SNTG1: variants seen among roughly 807,000 people sequenced by gnomAD.
SNTG1 encodes the protein gamma-1-syntrophin.
In SNTG1, 39 loss-of-function variants were observed where a neutral mutation model predicts 74.7. The observed-to-expected ratio is 0.52, with a 90% CI of 0.40 to 0.68. The LOEUF (loss-of-function observed/expected upper bound fraction) is 0.68. Ranked by LOEUF, SNTG1 falls within the 30% of genes least tolerant of loss-of-function variation. The probability of loss-of-function intolerance (pLI) is 0.00; values close to 1 mark genes in which losing one functional copy is unlikely to be tolerated. For missense variants in SNTG1, 685 were observed against 609.5 expected (o/e 1.12, Z -1.30); for synonymous variants, 254 against 217.1 (o/e 1.17, Z -1.49).
chr8:50,666,698 G>T (rs1044843482), intron 15 of SNTG1, among the ~76,000 whole-genome samples: 9 of 152,038 alleles, frequency 5.9e-5, no homozygotes, highest in Non-Finnish European at 1.0e-4. Context: ...ATCCCTAAAG[G>T]CTACCAGGCT....
At chr8:50,358,915 A>G (rs1290468965) in intron 2 of SNTG1, among the ~76,000 whole-genome samples, 2 of 152,162 alleles carry the variant, frequency 1.3e-5, no homozygotes, top group Non-Finnish European at 2.9e-5. Context: ...AAGTTAACGC[A>G]CGGTTTGATA....
intron 13 of SNTG1, among the ~76,000 whole-genome samples, chr8:50,636,358 A>G (rs2095039238): frequency 6.6e-6 from 1 of 151,982 alleles, no homozygotes; most frequent in Admixed American, 6.5e-5. Context: ...GGACTTGCCT[A>G]GAGTTACAGC....
At chr8:50,281,666 G>A (rs574331491) in intron 2 of SNTG1, among the ~76,000 whole-genome samples, 37 of 152,240 alleles carry the variant, frequency 2.4e-4, no homozygotes, top group African/African-American at 8.4e-4. Flanking sequence ...GTAGTTCAAG[G>A]ACAATGAAAA....
In SNTG1 at chr8:50,501,410, G is replaced by A. The variant is rs558446161; in HGVS notation, c.364-1368G>A. 9.8e-5 allele frequency among the ~76,000 whole-genome samples: 14 copies of A among 142,604 alleles called. 2 individuals are homozygous for A. The highest frequency in any genetic ancestry group is 3.6e-4 in the African/African-American group (14 of 39,064). The allele number at this position is 142,604 out of a possible 152,430, so 93.6% of individuals were successfully genotyped here. A position where few individuals can be genotyped will look rare whatever the true frequency, so the allele number is the denominator to read the frequency against. On this transcript the variant is annotated intron_variant, in intron 8 of 18. Transcript: ENST00000642720. ...TGTACTTCTTGGGGAGGAGCAGAGA[G>A]AGATGAGCCTGTGCGTTTTTTTTTT...
chr8:50,704,607 A>G lies in SNTG1; in HGVS notation c.1046A>G (p.Asp349Gly). ...ACTCCAGGTTTTCACCAGGACAGTG[A>G]CCTGCTGGACCGACGGAAACAGTGC... ...EIMCKILKDS[D>G]LLDRRKQCFT... The change falls in exon 16 of 19, where the codon GAC (aspartate) becomes GGC (glycine). Residue 349 changes from aspartate (D) to glycine (G), a missense_variant. Transcript: ENST00000642720. The G allele has an allele frequency of 6.2e-7, 1 of 1,614,082 alleles. No homozygotes were observed. Among genetic ancestry groups the G allele is most frequent in the Non-Finnish European group, 8.5e-7 (1 of 1,179,982 alleles).
At chr8:50,616,258 A>AT (rs920032826) in intron 13 of SNTG1, among the ~76,000 whole-genome samples, 2 of 152,250 alleles carry the variant, frequency 1.3e-5, no homozygotes, top group Non-Finnish European at 2.9e-5. Flanking sequence ...TAATTAAAAC[A>AT]TAAAACCTTA....
chr8:50,264,973 T>C (rs1183643024), intron 2 of SNTG1, among the ~76,000 whole-genome samples: 1 of 151,526 alleles, frequency 6.6e-6, no homozygotes, highest in Admixed American at 6.6e-5. Context: ...TAATAAAGAG[T>C]TGAACCAATA....
At chr8:50,786,101 A>G (rs987138011) in intron 18 of SNTG1, among the ~76,000 whole-genome samples, 15 of 151,976 alleles carry the variant, frequency 9.9e-5, no homozygotes, top group Non-Finnish European at 2.2e-4. Context: ...TAGATGATAC[A>G]AACTTAAATA....
rs77569472 is a variant in SNTG1, at chr8:50,483,774, A to G, written c.364-19004A>G. 2.8e-3 allele frequency among the ~76,000 whole-genome samples: 420 copies of G among 152,308 alleles called. 2 individuals are homozygous for G. The highest frequency in any genetic ancestry group is 9.7e-3 in the African/African-American group (404 of 41,564). On this transcript the variant is annotated intron_variant, in intron 8 of 18. Transcript: ENST00000642720. The stretch of plus-strand genomic sequence containing the variant: ...ACTGTATTCTGCAGCTGCAAATCTA[A>G]TGTGGGTGTGATAGGGGTTAGCTTT...
At chr8:50,385,012 T>C (rs1189870831) in intron 2 of SNTG1, among the ~76,000 whole-genome samples, 1 of 152,148 alleles carries the variant, frequency 6.6e-6, no homozygotes, top group African/African-American at 2.4e-5. Context: ...AAAAGGGAGT[T>C]GTTATCCAGA....
intron 10 of SNTG1, among the ~76,000 whole-genome samples, chr8:50,532,454 T>A (rs1312435586): frequency 1.3e-5 from 2 of 152,162 alleles, no homozygotes; most frequent in Non-Finnish European, 2.9e-5. Context: ...AAGAGAAGAA[T>A]GAGTAGCAGC....
intron 2 of SNTG1, among the ~76,000 whole-genome samples, chr8:50,259,431 G>A (rs2087044811): frequency 6.6e-6 from 1 of 151,170 alleles, no homozygotes; most frequent in South Asian, 2.1e-4. Context: ...CCTGGGAGGT[G>A]GAGGTGGCAG....
At chr8:50,702,958 CA>C (rs1463438868) in intron 15 of SNTG1, among the ~76,000 whole-genome samples, 1 of 152,008 alleles carries the variant, frequency 6.6e-6, no homozygotes, top group Non-Finnish European at 1.5e-5. Context: ...TACACAGATA[CA>C]GGGCACTTAC....
At chr8:50,181,869 C>T in intron 2 of SNTG1, among the ~76,000 whole-genome samples, 1 of 152,014 alleles carries the variant, frequency 6.6e-6, no homozygotes, top group East Asian at 1.9e-4. Context: ...AGAAGGAAAG[C>T]TATTGATTTT....
intron 1 of SNTG1, among the ~76,000 whole-genome samples, chr8:50,052,738 T>C (rs1006175867): frequency 6.6e-6 from 1 of 152,022 alleles, no homozygotes; most frequent in African/African-American, 2.4e-5. Context: ...ACAACCCAAA[T>C]TTAAATATTT....
At chr8:50,763,681 T>C (rs1054818274) in intron 18 of SNTG1, among the ~76,000 whole-genome samples, 4 of 147,830 alleles carry the variant, frequency 2.7e-5, no homozygotes, top group Non-Finnish European at 6.0e-5. Flanking sequence ...TGTGTGTGTG[T>C]GTGTGTGTGT....
intron 1 of SNTG1, among the ~76,000 whole-genome samples, chr8:50,115,567 C>CAAAAAAAAAAAAAAAAAAA (rs11386539): frequency 4.4e-4 from 18 of 40,530 alleles, no homozygotes; most frequent in African/African-American, 1.1e-3. Context: ...GACTCTGTCT[C>CAAAAAAAAAAAAAAAAAAA]AAAAAAAAAA....
intron 13 of SNTG1, among the ~76,000 whole-genome samples, chr8:50,639,481 A>T (rs967514002): frequency 6.6e-6 from 1 of 152,038 alleles, no homozygotes; most frequent in African/African-American, 2.4e-5. Flanking sequence ...AATTAAAAAG[A>T]ACTATAAGAA....
chr8:50,239,081 A>G (rs1004234513), intron 2 of SNTG1, among the ~76,000 whole-genome samples: 1 of 152,160 alleles, frequency 6.6e-6, no homozygotes, highest in African/African-American at 2.4e-5. Context: ...ACCAGCTTGG[A>G]GATTTCTCAA....
Sources: allele counts gnomAD v4.1 joint callset (sites outside exome capture counted in the v4.1 genomes callset), GRCh38; gene constraint gnomAD v4.1.1; transcripts MANE v1.5; gene names NCBI Gene and HGNC (gene_info 2026-07-23, HGNC 2026-07-21).